Variants in NRP1 observed in about 807,000 individuals in gnomAD.
The protein encoded by NRP1 is neuropilin 1.
NRP1 carries 35 observed loss-of-function variants against 106.7 expected under a neutral mutation model. That is an observed-to-expected ratio of 0.33 (90% CI 0.25 to 0.43). NRP1 has a LOEUF of 0.43. Among genes scored for constraint, NRP1 ranks in the 20% least tolerant of loss-of-function variants. The pLI is 1.00. For missense variants in NRP1, 1,024 were observed against 1,170.4 expected, an observed-to-expected ratio of 0.87 and a Z score of 1.83; for synonymous variants, 437 against 417.9, an observed-to-expected ratio of 1.05 and a Z score of -0.56.
chr10:33,327,157 G>A (rs11009344), intron 2 of NRP1, among the ~76,000 whole-genome samples: 24,544 of 151,982 alleles, frequency 0.16, 2,231 homozygotes, highest in East Asian at 0.28. Flanking sequence ...AGAAAATGCA[G>A]GGTGTATCAT....
At chr10:33,187,154 T>TGATC (rs78970722) in intron 13 of NRP1, among the ~76,000 whole-genome samples, 8,920 of 152,254 alleles carry the variant, frequency 0.059, 281 homozygotes, top group Middle Eastern at 0.095. Flanking sequence ...ATTACAGGCA[T>TGATC]GATCCACCAC....
rs778291277 is a variant in NRP1 at position 33,256,471 on chromosome 10, A to G, written c.659T>C (p.Val220Ala). Reference sequence around the variant, plus strand: ...ACAGTAACGCCCAATGTGAGGGCCAACTGGAAAGGGAGGAATACAGACGAT... The same window carrying G: ...ACAGTAACGCCCAATGTGAGGGCCAGCTGGAAAGGGAGGAATACAGACGAT... ...RLEIWDGFPD[V>A]GPHIGRYCGQ... Residue 220 changes from valine (V) to alanine (A), a missense_variant and splice_region_variant, in exon 5 of 17, where the codon GTT becomes GCT. Around this residue, in one of 5 missense-constraint regions of NRP1, gnomAD observed 279 missense variants for 327.4 expected, o/e 0.85. Transcript: ENST00000374867. 1.2e-6 allele frequency: 2 copies of G among 1,613,948 alleles called. No individual in the cohort carries two copies. Among genetic ancestry groups the G allele is most frequent in the South Asian group, 1.1e-5 (1 of 91,080 alleles).
At chr10:33,285,946 T>G (rs1181376240) in intron 2 of NRP1, among the ~76,000 whole-genome samples, 1 of 152,164 alleles carries the variant, frequency 6.6e-6, no homozygotes. Context: ...GACCCCCGGG[T>G]GAGTATTCCA....
rs117413407 is a variant in NRP1, at chr10:33,279,648, T to C, written c.249-8792A>G. Among the ~76,000 whole-genome samples the C allele has an allele frequency of 6.0e-3, 912 of 152,182 alleles. 4 individuals carry two copies. The highest frequency in any genetic ancestry group is 0.014 in the South Asian group (67 of 4,820). On this transcript the variant is annotated intron_variant, in intron 2 of 16. Transcript: ENST00000374867. Reference sequence around the variant, plus strand: ...AGCGGCTCCTAGATTCGTGTTTGATTGAATAACTGGGAGACAGTGTGTGGA... The same window carrying C: ...AGCGGCTCCTAGATTCGTGTTTGATCGAATAACTGGGAGACAGTGTGTGGA...
Position 33,311,164 on chromosome 10 carries a change from G to A in NRP1, c.248+19544C>T, listed in dbSNP as rs147623811. Among the ~76,000 whole-genome samples the A allele has an allele frequency of 1.9e-3, 291 of 152,272 alleles. 2 individuals are homozygous for A. In the South Asian group the frequency reaches 0.029, roughly 15 times the overall value. On this transcript the variant is annotated intron_variant, in intron 2 of 16. Transcript: ENST00000374867. ...ATATGCTAGTCAAGTGTCCAGGGTC[G>A]GGGGATTGAGTGACCTTGGGAAACA...
At position 33,226,166 on chromosome 10, in the gene NRP1, A is replaced by C. The variant is rs1478923374; in HGVS notation, c.1105T>G (p.Trp369Gly). The C allele has an allele frequency of 6.2e-7, 1 of 1,614,100 alleles. No individual in the cohort carries two copies. The highest frequency in any genetic ancestry group is 8.5e-7 in the Non-Finnish European group (1 of 1,180,032). ...KIDVSSNGED[W>G]ITIKEGNKPV... The stretch of plus-strand genomic sequence containing the variant: ...TTGTTTCCTTCTTTTATGGTGATCC[A>C]GTCTTCCCCGTTGGAGCTAACGTCG... Residue 369 changes from tryptophan to glycine, a missense_variant, in exon 7 of 17, where the codon TGG becomes GGG. Physicochemically the swap from Trp to Gly is radical, Grantham distance 184. Transcript: ENST00000374867.
chr10:33,213,803 G>T, intron 8 of NRP1, 86 bp from the exon 9 acceptor site: 1 of 1,059,808 alleles, frequency 9.4e-7, no homozygotes, highest in Non-Finnish European at 1.4e-6. Flanking sequence ...ATGGAATAAA[G>T]ACATGATTTT....
At chr10:33,198,140 T>C (rs1236249798) in intron 11 of NRP1, among the ~76,000 whole-genome samples, 1 of 112,958 alleles carries the variant, frequency 8.9e-6, no homozygotes, top group Non-Finnish European at 1.7e-5. Flanking sequence ...TTTTAAATTT[T>C]TAAATTTTTT....
intron 2 of NRP1, among the ~76,000 whole-genome samples, chr10:33,323,688 T>C (rs1847689765): frequency 6.6e-6 from 1 of 152,154 alleles, no homozygotes. Flanking sequence ...GCAAGAGGCA[T>C]TTGGAACCTG....
At chr10:33,252,816 C>T (rs1453127600) in intron 6 of NRP1, among the ~76,000 whole-genome samples, 1 of 152,206 alleles carries the variant, frequency 6.6e-6, no homozygotes, top group African/African-American at 2.4e-5. Context: ...TTTTCTCACT[C>T]TCTACATATT....
Position 33,253,157 on chromosome 10 carries a change from C to G in NRP1, c.981+871G>C, listed in dbSNP as rs548749327. Among the ~76,000 whole-genome samples, 4 of 152,298 alleles carry G rather than the reference C, an allele frequency of 2.6e-5. No individual in the cohort carries two copies. In the East Asian group the frequency reaches 7.7e-4, roughly 29 times the overall value. ...TTTGCCCACAGTTTAACCCACAGAT[C>G]CAGCTATGGATGTTTCATTTAACAG... On this transcript the variant is annotated intron_variant, in intron 6 of 16. Coordinates refer to ENST00000374867, the MANE Select transcript of NRP1 (RefSeq NM_003873.7).
intron 7 of NRP1, 63 bp from the exon 8 acceptor site, chr10:33,221,926 T>C: frequency 6.6e-7 from 1 of 1,526,284 alleles, no homozygotes; most frequent in Non-Finnish European, 9.0e-7. Flanking sequence ...CATAAATGTG[T>C]TTTCACAAAT....
chr10:33,299,239 T>G (rs994564725), intron 2 of NRP1, among the ~76,000 whole-genome samples: 5 of 152,106 alleles, frequency 3.3e-5, no homozygotes, highest in Non-Finnish European at 7.4e-5. Flanking sequence ...CCTGCCCCCC[T>G]GACCCTGCCC....
At chr10:33,183,347 AAAAG>A (rs1438642974) in intron 15 of NRP1, among the ~76,000 whole-genome samples, 2 of 152,060 alleles carry the variant, frequency 1.3e-5, no homozygotes, top group Non-Finnish European at 2.9e-5. Flanking sequence ...AAAAAAAAAA[AAAAG>A]AAGAGAAGGG....
chr10:33,238,799 A>G (rs1468631011), intron 6 of NRP1, among the ~76,000 whole-genome samples: 3 of 152,152 alleles, frequency 2.0e-5, no homozygotes, highest in South Asian at 4.1e-4. Context: ...GTCATTCTGC[A>G]TGGCTACTAT....
At chr10:33,294,830 C>T (rs1845268842) in intron 2 of NRP1, among the ~76,000 whole-genome samples, 1 of 152,026 alleles carries the variant, frequency 6.6e-6, no homozygotes, top group Admixed American at 6.6e-5. Context: ...GGGGATTACC[C>T]TAGAAGATCT....
chr10:33,308,982 C>G (rs1253471784), intron 2 of NRP1, among the ~76,000 whole-genome samples: 1 of 151,998 alleles, frequency 6.6e-6, no homozygotes, highest in Non-Finnish European at 1.5e-5. Flanking sequence ...GAAATGTTAG[C>G]CCCAAATAAA....
intron 12 of NRP1, chr10:33,195,706 GA>G (rs1836733945): frequency 2.6e-6 from 1 of 379,954 alleles, no homozygotes; most frequent in Non-Finnish European, 5.3e-6. Context: ...GACTTAGCCA[GA>G]AGGTGACAAT....
At chr10:33,292,588 C>T in intron 2 of NRP1, among the ~76,000 whole-genome samples, 1 of 152,142 alleles carries the variant, frequency 6.6e-6, no homozygotes, top group African/African-American at 2.4e-5. Flanking sequence ...AAGAGGGCAT[C>T]CGAGAATTTT....
Sources: gnomAD v4.1 joint callset for allele counts (sites outside exome capture counted in the v4.1 genomes callset) on GRCh38, gnomAD v4.1.1 for gene constraint, gnomAD v4.1.1 regional missense constraint, MANE v1.5 for transcripts, NCBI Gene and HGNC (gene_info 2026-07-23, HGNC 2026-07-21) for gene names.